NTF3: variants seen among roughly 807,000 people sequenced by gnomAD.
NTF3 encodes neurotrophin-3.
A neutral mutation model predicts 26.3 loss-of-function variants in NTF3; 8 were observed. That is an observed-to-expected ratio of 0.30 (90% confidence interval 0.18 to 0.55). The LOEUF is 0.55. Among genes scored for constraint, NTF3 ranks in the 20% least tolerant of loss-of-function variants. The probability of loss-of-function intolerance (pLI) is 0.93; values close to 1 mark genes in which losing one functional copy is unlikely to be tolerated. For synonymous variants in NTF3, 154 were observed against 145.5 expected (o/e 1.06, Z -0.42); for missense variants, 276 against 352.9 (o/e 0.78, Z 1.75).
At chr12:5,444,715 A>T (rs930526027) in intron 1 of NTF3, among the ~76,000 whole-genome samples, 5 of 152,284 alleles carry the variant, frequency 3.3e-5, no homozygotes, top group Admixed American at 3.3e-4. Context: ...CTCTGAGGGC[A>T]CAATTAAGCT....
intron 1 of NTF3, among the ~76,000 whole-genome samples, chr12:5,473,227 G>A (rs1430722629): frequency 6.6e-6 from 1 of 152,172 alleles, no homozygotes; most frequent in East Asian, 1.9e-4. Context: ...TCCCTAGGAA[G>A]TACATTCTTT....
intron 1 of NTF3, among the ~76,000 whole-genome samples, chr12:5,455,246 C>T (rs1001455702): frequency 3.9e-5 from 6 of 152,224 alleles, no homozygotes; most frequent in Non-Finnish European, 8.8e-5. Flanking sequence ...TCTCTGCACA[C>T]GCAAGCGTGC....
intron 1 of NTF3, among the ~76,000 whole-genome samples, chr12:5,470,936 C>T (rs978362194): frequency 1.3e-5 from 2 of 151,340 alleles, no homozygotes; most frequent in African/African-American, 2.4e-5. Context: ...CACTGATACA[C>T]GCAGAAGCTG....
chr12:5,441,760 G>A (rs1940239435), intron 1 of NTF3, among the ~76,000 whole-genome samples: 2 of 152,238 alleles, frequency 1.3e-5, no homozygotes, highest in Non-Finnish European at 2.9e-5. Context: ...CAGAGAGGCA[G>A]TGCACCTTGC....
intron 1 of NTF3, among the ~76,000 whole-genome samples, chr12:5,432,859 G>T (rs1303994127): frequency 3.3e-5 from 5 of 151,990 alleles, no homozygotes; most frequent in South Asian, 2.1e-4. Context: ...GTGGCAGACA[G>T]AACTCCGGGC....
chr12:5,484,978 T>C (rs918268520), intron 1 of NTF3, among the ~76,000 whole-genome samples: 3 of 152,242 alleles, frequency 2.0e-5, no homozygotes, highest in Non-Finnish European at 4.4e-5. Flanking sequence ...GCAAATGTGC[T>C]GCAATCTGTG....
At chr12:5,460,046 C>A (rs1264058463) in intron 1 of NTF3, among the ~76,000 whole-genome samples, 2 of 152,156 alleles carry the variant, frequency 1.3e-5, no homozygotes, top group Non-Finnish European at 1.5e-5. Context: ...ATTTTTAGAA[C>A]AGTTTTAAGT....
Position 5,432,200 on chromosome 12 carries a change from T to C in NTF3, c.-125T>C. 8.8e-7 allele frequency: 1 copy of C among 1,137,128 alleles called. No homozygotes were observed. The highest frequency in any genetic ancestry group is 1.3e-6 in the Non-Finnish European group (1 of 753,686). 70.4% of individuals were successfully genotyped at this position (1,137,128 alleles called of 1,614,324 possible). On this transcript the variant is annotated 5_prime_UTR_variant, in exon 1 of 2. Coordinates refer to ENST00000423158, the MANE Select transcript of NTF3 (RefSeq NM_001102654.2). ...AACTACTTTCTTCTCTCTCCTTTCTTTCTTCCTCTCCTTTTTCCCCTGCTG... is the reference window on the plus strand; with the variant it reads ...AACTACTTTCTTCTCTCTCCTTTCTCTCTTCCTCTCCTTTTTCCCCTGCTG...
At chr12:5,450,780 G>A (rs1940362937) in intron 1 of NTF3, among the ~76,000 whole-genome samples, 1 of 152,170 alleles carries the variant, frequency 6.6e-6, no homozygotes, top group Non-Finnish European at 1.5e-5. Context: ...GAGAAACTAT[G>A]CTGTACTTGT....
intron 1 of NTF3, among the ~76,000 whole-genome samples, chr12:5,481,030 G>T (rs1940785976): frequency 6.6e-6 from 1 of 152,098 alleles, no homozygotes; most frequent in Non-Finnish European, 1.5e-5. Context: ...CACCTCACTG[G>T]GGGTGTGGGT....
Position 5,453,400 on chromosome 12 carries a change from G to A in NTF3, c.18+21058G>A, listed in dbSNP as rs556155754. Among the ~76,000 whole-genome samples, 5 of 152,276 alleles carry A rather than the reference G, an allele frequency of 3.3e-5. No individual in the cohort carries two copies. In the South Asian group the frequency reaches 6.2e-4, roughly 19 times the overall value. ...CCTAAGAATATTGCTGTTTCACAGAGTGTAGGCTTTCCTCTGGCTTCCAGA... is the reference window on the plus strand; with the variant it reads ...CCTAAGAATATTGCTGTTTCACAGAATGTAGGCTTTCCTCTGGCTTCCAGA... On this transcript the variant is annotated intron_variant, in intron 1 of 1. Coordinates refer to ENST00000423158, the MANE Select transcript of NTF3 (RefSeq NM_001102654.2).
chr12:5,437,963 A>G (rs932254253), intron 1 of NTF3, among the ~76,000 whole-genome samples: 2 of 152,166 alleles, frequency 1.3e-5, no homozygotes, highest in Non-Finnish European at 1.5e-5. Flanking sequence ...TATGGGTGGC[A>G]GGTATCTGGA....
intron 1 of NTF3, among the ~76,000 whole-genome samples, chr12:5,450,646 C>A (rs922060225): frequency 2.0e-5 from 3 of 152,178 alleles, no homozygotes; most frequent in African/African-American, 4.8e-5. Context: ...CAGTGCTCAG[C>A]CCTCTGTACG....
At chr12:5,466,125 A>T (rs933635113) in intron 1 of NTF3, among the ~76,000 whole-genome samples, 1 of 152,226 alleles carries the variant, frequency 6.6e-6, no homozygotes, top group Non-Finnish European at 1.5e-5. Context: ...TGTGGGCGTC[A>T]TGCAGCCCTT....
At chr12:5,451,527 A>G (rs533039069) in intron 1 of NTF3, among the ~76,000 whole-genome samples, 1 of 152,356 alleles carries the variant, frequency 6.6e-6, no homozygotes, top group Non-Finnish European at 1.5e-5. Context: ...GTTCTAATGT[A>G]TGTTCAACAT....
chr12:5,487,994 C>T (rs1194949096), intron 1 of NTF3, among the ~76,000 whole-genome samples: 3 of 152,160 alleles, frequency 2.0e-5, no homozygotes, highest in Non-Finnish European at 4.4e-5. Context: ...CTTTTTTGTG[C>T]TCCATAAGAC....
At position 5,459,295 on chromosome 12, in the gene NTF3, A is replaced by G. The variant is rs985995157; in HGVS notation, c.18+26953A>G. 3.9e-5 allele frequency among the ~76,000 whole-genome samples: 6 copies of G among 152,264 alleles called. 1 individual carries two copies. The highest frequency in any genetic ancestry group is 1.4e-4 in the African/African-American group (6 of 41,546). ...CCTGATAAAGTTTCTTGGAAACCCT[A>G]TACTCAGAGGCAGCCAATTCTTGCC... On this transcript the variant is annotated intron_variant, in intron 1 of 1. Transcript: ENST00000423158.
chr12:5,484,092 C>T (rs1940839783), intron 1 of NTF3, among the ~76,000 whole-genome samples: 1 of 152,194 alleles, frequency 6.6e-6, no homozygotes, highest in Non-Finnish European at 1.5e-5. Context: ...GCAGGCTTCC[C>T]TCCATGTGTC....
At chr12:5,488,339 C>T (rs957348309) in intron 1 of NTF3, among the ~76,000 whole-genome samples, 3 of 152,204 alleles carry the variant, frequency 2.0e-5, no homozygotes, top group Admixed American at 1.3e-4. Context: ...CAGCACCTTC[C>T]CTTTGAGCGT....
Sources: allele counts gnomAD v4.1 joint callset (sites outside exome capture counted in the v4.1 genomes callset), GRCh38; gene constraint gnomAD v4.1.1; transcripts MANE v1.5; gene names NCBI Gene and HGNC (gene_info 2026-07-23, HGNC 2026-07-21).